SH3BP5: variants seen among roughly 807,000 people sequenced by gnomAD.
SH3BP5 encodes the protein SH3 domain binding protein 5, also known as SH3 domain-binding protein 5.
A neutral mutation model predicts 43.3 loss-of-function variants in SH3BP5; 22 were observed. The observed-to-expected ratio is 0.51, with a 90% CI of 0.36 to 0.73. The LOEUF (loss-of-function observed/expected upper bound fraction) is 0.73. SH3BP5 is among the 30% of genes least tolerant of loss of function. The pLI is 0.00. For missense variants in SH3BP5, 529 were observed against 586.9 expected (o/e 0.90, Z 1.02); for synonymous variants, 255 against 225.8 (o/e 1.13, Z -1.16).
intron 4 of SH3BP5, 56 bp from the exon 5 acceptor site, chr3:15,262,345 A>G (rs1171738183): frequency 6.4e-7 from 1 of 1,555,032 alleles, no homozygotes; most frequent in Non-Finnish European, 8.7e-7. Flanking sequence ...CAGGCTTGGA[A>G]TATTACTTAT....
intron 4 of SH3BP5, among the ~76,000 whole-genome samples, chr3:15,268,202 C>T (rs955413963): frequency 4.6e-5 from 7 of 152,172 alleles, no homozygotes; most frequent in Non-Finnish European, 1.0e-4. Context: ...AAAGTCAACG[C>T]GGATTTGACT....
rs575950936 is a variant in SH3BP5, at chr3:15,332,209, G to C, written c.138+62C>G. On this transcript the variant is annotated intron_variant, in intron 1 of 8. Transcript: ENST00000383791. ...GGGCTGCGAAGTGGCTGTACGCGTA[G>C]ACACCGACCTCCGTAGCAGCCCTCG... 482 of 1,545,764 alleles carry C rather than the reference G, an allele frequency of 3.1e-4. 4 individuals carry two copies. The South Asian group carries it at 4.0e-3, about 13-fold the overall frequency.
chr3:15,338,185 A>T (rs964062152), intron 1 of SH3BP5, among the ~76,000 whole-genome samples: 5 of 151,992 alleles, frequency 3.3e-5, no homozygotes, highest in Non-Finnish European at 7.4e-5. Flanking sequence ...CTACCAAAAA[A>T]TACAAAAACT....
intron 2 of SH3BP5, among the ~76,000 whole-genome samples, chr3:15,327,197 C>T (rs1393877713): frequency 2.0e-5 from 3 of 151,950 alleles, no homozygotes; most frequent in Non-Finnish European, 4.4e-5. Context: ...CCAGCCAGTT[C>T]GAGACCAGCC....
At chr3:15,315,476 C>T (rs1286811439) in intron 2 of SH3BP5, among the ~76,000 whole-genome samples, 1 of 152,180 alleles carries the variant, frequency 6.6e-6, no homozygotes, top group East Asian at 1.9e-4. Flanking sequence ...ACTGCCTGTC[C>T]TTATCTGAAC....
chr3:15,259,055 T>C lies in SH3BP5; in HGVS notation c.670-5A>G. 6.2e-7 allele frequency: 1 copy of C among 1,612,468 alleles called. No individual in the cohort carries two copies. The highest frequency in any genetic ancestry group is 8.5e-7 in the Non-Finnish European group (1 of 1,178,414). ...ATCCACAGTCTTTTTCAGTTGCTGA[T>C]CAAGAGAACAGGAGACTAAGTGAAG... On this transcript the variant is annotated splice_polypyrimidine_tract_variant and splice_region_variant and intron_variant, in intron 6 of 8. Coordinates refer to ENST00000383791, the MANE Select transcript of SH3BP5 (RefSeq NM_004844.5).
At chr3:15,318,279 C>G (rs1302372280) in intron 2 of SH3BP5, among the ~76,000 whole-genome samples, 3 of 152,126 alleles carry the variant, frequency 2.0e-5, no homozygotes, top group African/African-American at 7.2e-5. Context: ...ATTTGTTGGA[C>G]ATATATGCCA....
intron 4 of SH3BP5, among the ~76,000 whole-genome samples, chr3:15,269,199 C>T (rs1194428944): frequency 6.6e-6 from 1 of 152,118 alleles, no homozygotes; most frequent in Non-Finnish European, 1.5e-5. Flanking sequence ...AGTCCGCTTC[C>T]TCTGTGCCTG....
At chr3:15,280,389 C>A (rs73025387) in intron 3 of SH3BP5, among the ~76,000 whole-genome samples, 4,587 of 152,166 alleles carry the variant, frequency 0.03, 86 homozygotes, top group Non-Finnish European at 0.046. Flanking sequence ...AGGAAAAAAA[C>A]CCCACAACAG....
chr3:15,296,694 C>CTTTTTT (rs370273754), intron 3 of SH3BP5, among the ~76,000 whole-genome samples: 3,273 of 124,824 alleles, frequency 0.026, 333 homozygotes, highest in African/African-American at 0.1. Flanking sequence ...AGTGTTTTTC[C>CTTTTTT]TTTTTTTTTT....
At chr3:15,257,888 TATAAATG>T (rs1215924931) in intron 7 of SH3BP5, among the ~76,000 whole-genome samples, 2 of 152,196 alleles carry the variant, frequency 1.3e-5, no homozygotes, top group Non-Finnish European at 2.9e-5. Flanking sequence ...AAAGGTTTCT[TATAAATG>T]ATAAATACTG....
chr3:15,262,317 G>A, intron 4 of SH3BP5, 28 bp from the exon 5 acceptor site: 1 of 1,596,722 alleles, frequency 6.3e-7, no homozygotes, highest in African/African-American at 1.3e-5. Context: ...GTTCAGCCCA[G>A]TCCAGCCCAG....
rs184145369 is a variant in SH3BP5 at position 15,296,671 on chromosome 3, C to T, written c.330+7432G>A. Among the ~76,000 whole-genome samples the T allele has an allele frequency of 2.7e-3, 404 of 150,808 alleles. 4 individuals carry two copies. Among genetic ancestry groups the T allele is most frequent in the African/African-American group, 9.6e-3 (390 of 40,796 alleles). ...CCTTTGCAGAACATCAGCCTCTCAT[C>T]CTCCACTTACGAAGTGTTTTTCCTT... On this transcript the variant is annotated intron_variant, in intron 3 of 8. Coordinates refer to ENST00000383791, the MANE Select transcript of SH3BP5 (RefSeq NM_004844.5).
Position 15,258,887 on chromosome 3 carries a change from CT to C in SH3BP5, c.832del (p.Ser278AlafsTer65). On this transcript the variant is annotated frameshift_variant, in exon 7 of 9. Transcript: ENST00000383791. LOFTEE classifies it high-confidence loss of function. ...PRGCGVGAEGSSTSVEDLPGS... is the reference protein window; with the variant it reads ...PRGCGVGAEGXSTSVEDLPGS... ...TGGCAGATCCTCCACAGATGTGCTG[CT>C]GCCCTCAGCACCAACACCGCATCCC... is the stretch of plus-strand genomic sequence containing the variant. 6.2e-7 allele frequency: 1 copy of C among 1,614,240 alleles called. No homozygotes were observed. Among genetic ancestry groups the C allele is most frequent in the Non-Finnish European group, 8.5e-7 (1 of 1,180,036 alleles).
At chr3:15,276,946 T>G (rs1364546453) in intron 3 of SH3BP5, among the ~76,000 whole-genome samples, 1 of 151,942 alleles carries the variant, frequency 6.6e-6, no homozygotes, top group Non-Finnish European at 1.5e-5. Flanking sequence ...AGAGCTTTCA[T>G]TCTAAATTTT....
At chr3:15,299,752 A>T (rs1341452497) in intron 3 of SH3BP5, among the ~76,000 whole-genome samples, 1 of 152,018 alleles carries the variant, frequency 6.6e-6, no homozygotes, top group Non-Finnish European at 1.5e-5. Flanking sequence ...AAAGAAAATC[A>T]AGTGTGGGAG....
chr3:15,286,464 C>G (rs1000801684), intron 3 of SH3BP5, among the ~76,000 whole-genome samples: 11 of 152,222 alleles, frequency 7.2e-5, no homozygotes, highest in African/African-American at 2.4e-4. Context: ...GATAAGATAT[C>G]CACACAGAGA....
chr3:15,272,896 G>A (rs1479472423), intron 3 of SH3BP5, among the ~76,000 whole-genome samples: 1 of 152,140 alleles, frequency 6.6e-6, no homozygotes, highest in African/African-American at 2.4e-5. Context: ...AGCTACACAA[G>A]GAGAACAAGG....
upstream of SH3BP5, among the ~76,000 whole-genome samples, chr3:15,334,327 T>C (rs1698675290): frequency 1.3e-5 from 2 of 152,170 alleles, no homozygotes; most frequent in Non-Finnish European, 2.9e-5. Context: ...CAGTACTATA[T>C]ACAGTCAACC....
Sources: allele counts gnomAD v4.1 joint callset (sites outside exome capture counted in the v4.1 genomes callset), GRCh38; gene constraint gnomAD v4.1.1; transcripts MANE v1.5; gene names NCBI Gene and HGNC (gene_info 2026-07-23, HGNC 2026-07-21).